Variants in RAPGEF4 observed in about 807,000 individuals in gnomAD.
RAPGEF4 encodes the protein RAP guanine-nucleotide-exchange factor (GEF) 4.
Under a neutral mutation model 147.9 loss-of-function variants are expected in RAPGEF4, and 66 were observed. The observed-to-expected ratio is 0.45, with a 90% CI of 0.37 to 0.55. RAPGEF4 has a LOEUF of 0.55. Ranked by LOEUF, RAPGEF4 falls within the 20% of genes least tolerant of loss-of-function variation. RAPGEF4 has a pLI of 0.00. For synonymous variants in RAPGEF4, 419 were observed against 442.7 expected (o/e 0.95, Z 0.67); for missense variants, 1,071 against 1,257.3 (o/e 0.85, Z 2.24).
At chr2:172,872,986 C>T (rs1695425194) in intron 4 of RAPGEF4, among the ~76,000 whole-genome samples, 2 of 152,240 alleles carry the variant, frequency 1.3e-5, no homozygotes, top group Middle Eastern at 3.4e-3. Context: ...ATTGAATACC[C>T]CTTACTTGGG....
At chr2:172,873,797 A>G (rs933381584) in intron 4 of RAPGEF4, among the ~76,000 whole-genome samples, 2 of 152,246 alleles carry the variant, frequency 1.3e-5, no homozygotes, top group African/African-American at 2.4e-5. Flanking sequence ...CAATCTATCC[A>G]TCTGATAAAG....
At chr2:172,802,090 G>A (rs993055523) in intron 3 of RAPGEF4, among the ~76,000 whole-genome samples, 6 of 152,242 alleles carry the variant, frequency 3.9e-5, no homozygotes, top group Non-Finnish European at 8.8e-5. Flanking sequence ...GTGATGGGAT[G>A]TGGAGGTGTA....
intron 6 of RAPGEF4, among the ~76,000 whole-genome samples, chr2:172,955,687 C>A (rs1688657540): frequency 6.6e-6 from 1 of 152,182 alleles, no homozygotes; most frequent in South Asian, 2.1e-4. Flanking sequence ...GCTATAGGGC[C>A]AAACATGGGG....
intron 1 of RAPGEF4, among the ~76,000 whole-genome samples, chr2:172,739,299 T>G (rs1574648355): frequency 1.3e-5 from 2 of 152,110 alleles, no homozygotes; most frequent in African/African-American, 4.8e-5. Context: ...TCCCACTATT[T>G]GGGACTTAAG....
intron 1 of RAPGEF4, among the ~76,000 whole-genome samples, chr2:172,736,650 C>T (rs755396496): frequency 1.3e-5 from 2 of 152,146 alleles, no homozygotes; most frequent in African/African-American, 2.4e-5. Context: ...GATCTTTACG[C>T]TAAAAATAAT....
intron 11 of RAPGEF4, 90 bp from the exon 12 acceptor site, chr2:172,985,343 G>C: frequency 6.3e-7 from 1 of 1,586,440 alleles, no homozygotes; most frequent in South Asian, 1.1e-5. Context: ...CCCCGGGACA[G>C]TTTGCATTGT....
chr2:172,969,241 T>C (rs1406209509), intron 10 of RAPGEF4, among the ~76,000 whole-genome samples: 3 of 152,234 alleles, frequency 2.0e-5, no homozygotes, highest in Non-Finnish European at 4.4e-5. Context: ...GTACCTACAT[T>C]GTTCTAGATA....
intron 4 of RAPGEF4, among the ~76,000 whole-genome samples, chr2:172,879,749 C>T (rs2149846709): frequency 6.6e-6 from 1 of 152,248 alleles, no homozygotes; most frequent in African/African-American, 2.4e-5. Context: ...CTGCAGTGAG[C>T]CGTGATCATA....
chr2:172,879,711 A>G lies in RAPGEF4; in HGVS notation c.445-38091A>G, dbSNP rs143973046. Among the ~76,000 whole-genome samples, 121 of 152,264 alleles carry G rather than the reference A, an allele frequency of 7.9e-4. 1 individual carries two copies. Among genetic ancestry groups the G allele is most frequent in the African/African-American group, 2.8e-3 (116 of 41,550 alleles). On this transcript the variant is annotated intron_variant, in intron 4 of 30. Transcript: ENST00000397081. ...CAAGCTACTCAGAGGCTGAGGTGGG[A>G]GGATCACTTGAACCTAGAAGGTCAA...
intron 10 of RAPGEF4, among the ~76,000 whole-genome samples, chr2:172,981,916 A>C (rs1691720564): frequency 1.3e-5 from 2 of 152,222 alleles, no homozygotes; most frequent in South Asian, 4.1e-4. Flanking sequence ...TTTATTTGTA[A>C]GTTTGTTTAA....
In RAPGEF4 at chr2:173,052,017, T is replaced by C; in HGVS notation, c.*250T>C. The C allele has an allele frequency of 3.2e-6, 1 of 312,042 alleles. No homozygotes were observed. The allele number at this position is 312,042 out of a possible 1,614,324, so 19.3% of individuals were successfully genotyped here. On this transcript the variant is annotated 3_prime_UTR_variant, in exon 31 of 31. Coordinates refer to ENST00000397081, the MANE Select transcript of RAPGEF4 (RefSeq NM_007023.4). ...TGTGGCTACCCTGTTTCATTTCCAC[T>C]TGTGCCATCTTCTTTGCTGAAGTGT...
At chr2:172,797,475 T>G in intron 2 of RAPGEF4, 50 bp from the exon 3 acceptor site, 1 of 1,496,576 alleles carries the variant, frequency 6.7e-7, no homozygotes, top group African/African-American at 1.4e-5. Context: ...GATCATATAG[T>G]AAAACCAAGT....
chr2:172,931,261 A>T (rs1413932162), intron 6 of RAPGEF4, among the ~76,000 whole-genome samples: 2 of 148,138 alleles, frequency 1.4e-5, no homozygotes, highest in Non-Finnish European at 3.0e-5. Flanking sequence ...AAAACATTCT[A>T]TTCAGTTTAC....
At chr2:172,905,310 G>T (rs1191505369) in intron 4 of RAPGEF4, among the ~76,000 whole-genome samples, 3 of 152,148 alleles carry the variant, frequency 2.0e-5, no homozygotes, top group African/African-American at 7.2e-5. Context: ...CAAGGCCTGG[G>T]AGGGGTCCAC....
intron 1 of RAPGEF4, among the ~76,000 whole-genome samples, chr2:172,748,919 A>T (rs902921070): frequency 6.6e-6 from 1 of 152,228 alleles, no homozygotes; most frequent in Non-Finnish European, 1.5e-5. Context: ...GGCTGCATGC[A>T]AGTCCAAAAT....
chr2:172,973,455 C>T (rs1374438948), intron 10 of RAPGEF4, among the ~76,000 whole-genome samples: 1 of 152,186 alleles, frequency 6.6e-6, no homozygotes, highest in African/African-American at 2.4e-5. Flanking sequence ...TTTTAATACT[C>T]TTCTTCCCAG....
intron 3 of RAPGEF4, among the ~76,000 whole-genome samples, chr2:172,806,099 TG>T (rs1687476388): frequency 6.6e-6 from 1 of 151,908 alleles, no homozygotes; most frequent in African/African-American, 2.4e-5. Context: ...GAGAAGGTCC[TG>T]TTTTTCTCTG....
chr2:172,900,290 A>C (rs1391995857), intron 4 of RAPGEF4, among the ~76,000 whole-genome samples: 2 of 152,196 alleles, frequency 1.3e-5, no homozygotes, highest in Non-Finnish European at 2.9e-5. Flanking sequence ...CCCAGTGTGG[A>C]GTGCAGTGGC....
chr2:172,740,043 T>C (rs780989415), intron 1 of RAPGEF4, among the ~76,000 whole-genome samples: 1 of 152,226 alleles, frequency 6.6e-6, no homozygotes, highest in Non-Finnish European at 1.5e-5. Flanking sequence ...AACATAGCCA[T>C]GCTCATTTGG....
Sources: gnomAD v4.1 joint callset for allele counts (sites outside exome capture counted in the v4.1 genomes callset) on GRCh38, gnomAD v4.1.1 for gene constraint, MANE v1.5 for transcripts, NCBI Gene and HGNC (gene_info 2026-07-23, HGNC 2026-07-21) for gene names.